Variants in PPARGC1A observed in about 807,000 individuals in gnomAD.
PPARGC1A encodes the protein PPARG coactivator 1 alpha.
Under a neutral mutation model 88.7 loss-of-function variants are expected in PPARGC1A, and 25 were observed. The ratio of observed to expected loss-of-function variants is 0.28; its 90% confidence interval spans 0.21 to 0.39. The LOEUF is 0.39. PPARGC1A is among the 10% of genes least tolerant of loss of function. PPARGC1A has a pLI of 1.00. For synonymous variants in PPARGC1A, 363 were observed against 355.6 expected, an observed-to-expected ratio of 1.02 and a Z score of -0.24; for missense variants, 880 against 968.7, an observed-to-expected ratio of 0.91 and a Z score of 1.22.
chr4:24,105,317 T>C, the PPARGC1A span, among the ~76,000 whole-genome samples: 1 of 152,264 alleles, frequency 6.6e-6, no homozygotes, highest in Admixed American at 6.5e-5. Flanking sequence ...GCAAACCTTC[T>C]AATGGGACTT....
At chr4:24,030,252 T>C in the PPARGC1A span, among the ~76,000 whole-genome samples, 1 of 152,174 alleles carries the variant, frequency 6.6e-6, no homozygotes, top group African/African-American at 2.4e-5. Context: ...TGACAGAAGA[T>C]GAAGTCACCC....
chr4:24,171,710 T>C, the PPARGC1A span, among the ~76,000 whole-genome samples: 3 of 152,342 alleles, frequency 2.0e-5, no homozygotes, highest in South Asian at 6.2e-4. Context: ...AGGAAGCACA[T>C]GTCCCATCCC....
At chr4:23,910,325 TTATATATTATATATATTATATATTA>T in the PPARGC1A span, among the ~76,000 whole-genome samples, 9 of 45,224 alleles carry the variant, frequency 2.0e-4, no homozygotes, top group South Asian at 7.2e-4. Flanking sequence ...ATTATATATA[TTATATATTATATATATTATATATTA>T]TATATATTAT....
chr4:23,827,894 A>G (rs888740818), intron 5 of PPARGC1A, among the ~76,000 whole-genome samples: 1 of 152,114 alleles, frequency 6.6e-6, no homozygotes, highest in Non-Finnish European at 1.5e-5. Flanking sequence ...AGGAGAAAGA[A>G]GGAGAGGGAG....
the PPARGC1A span, among the ~76,000 whole-genome samples, chr4:24,209,842 T>C: frequency 1.1e-4 from 17 of 152,224 alleles, no homozygotes; most frequent in Non-Finnish European, 1.9e-4. Flanking sequence ...TGGAGGTATA[T>C]GCTCAGAAAA....
the PPARGC1A span, among the ~76,000 whole-genome samples, chr4:24,186,035 T>C: frequency 6.6e-6 from 1 of 152,106 alleles, no homozygotes; most frequent in African/African-American, 2.4e-5. Context: ...TGGCTACCCA[T>C]GTACAGCAAG....
At chr4:24,280,849 A>C in the PPARGC1A span, among the ~76,000 whole-genome samples, 3 of 152,328 alleles carry the variant, frequency 2.0e-5, no homozygotes, top group African/African-American at 7.2e-5. Flanking sequence ...ACATTTCTCA[A>C]CAGCAACTTC....
At chr4:24,434,972 CTTAAG>C in the PPARGC1A span, among the ~76,000 whole-genome samples, 472 of 152,330 alleles carry the variant, frequency 3.1e-3, 2 homozygotes, top group South Asian at 5.2e-3. Flanking sequence ...TTGCTGAATA[CTTAAG>C]TTATTTCTGG....
the PPARGC1A span, among the ~76,000 whole-genome samples, chr4:23,925,708 A>T: frequency 6.6e-6 from 1 of 152,198 alleles, no homozygotes; most frequent in Non-Finnish European, 1.5e-5. Flanking sequence ...GGAAGGGGTA[A>T]GATGTGAGGA....
the PPARGC1A span, among the ~76,000 whole-genome samples, chr4:23,977,019 G>C: frequency 1.3e-5 from 2 of 151,572 alleles, no homozygotes; most frequent in Non-Finnish European, 2.9e-5. Context: ...AGAGAGAGGA[G>C]GAGGAAAAGG....
chr4:23,930,008 G>C, the PPARGC1A span, among the ~76,000 whole-genome samples: 1 of 152,052 alleles, frequency 6.6e-6, no homozygotes, highest in Non-Finnish European at 1.5e-5. Flanking sequence ...CTCTCCTATA[G>C]ATTTGCAGAC....
At chr4:23,834,910 T>C (rs544814069) in intron 2 of PPARGC1A, among the ~76,000 whole-genome samples, 1 of 152,276 alleles carries the variant, frequency 6.6e-6, no homozygotes, top group East Asian at 1.9e-4. Flanking sequence ...AGTCATGAGA[T>C]TTACACCATT....
At chr4:23,822,229 A>G (rs559737465) in intron 7 of PPARGC1A, among the ~76,000 whole-genome samples, 3 of 152,176 alleles carry the variant, frequency 2.0e-5, no homozygotes, top group South Asian at 2.1e-4. Context: ...ATTCATTGTC[A>G]TCTGAGCATC....
chr4:24,204,826 GTTTGGTTT>G, the PPARGC1A span, among the ~76,000 whole-genome samples: 3 of 152,146 alleles, frequency 2.0e-5, no homozygotes, highest in South Asian at 6.2e-4. Flanking sequence ...TTGTTTGGTT[GTTTGGTTT>G]TTTGTTTGAG....
At chr4:24,352,188 G>A in the PPARGC1A span, among the ~76,000 whole-genome samples, 34 of 152,134 alleles carry the variant, frequency 2.2e-4, no homozygotes, top group Non-Finnish European at 1.5e-5. Context: ...GAGGGGAATG[G>A]CAACTGACCC....
chr4:24,341,995 A>G, the PPARGC1A span, among the ~76,000 whole-genome samples: 1 of 152,202 alleles, frequency 6.6e-6, no homozygotes, highest in Admixed American at 6.5e-5. Context: ...ACCATTTTGA[A>G]GATAACTCCA....
chr4:23,853,539 C>G (rs538454360), intron 2 of PPARGC1A, among the ~76,000 whole-genome samples: 4 of 152,184 alleles, frequency 2.6e-5, no homozygotes, highest in African/African-American at 9.6e-5. Flanking sequence ...ATATTTGAAC[C>G]TGATAAGCAC....
rs1320796152 is a variant in PPARGC1A at position 23,794,567 on chromosome 4, AAT to A, written c.*1253_*1254del. 2.0e-5 allele frequency: 3 copies of A among 152,584 alleles called. No homozygotes were observed. Among genetic ancestry groups the A allele is most frequent in the African/African-American group, 7.2e-5 (3 of 41,450 alleles). The allele number at this position is 152,584 out of a possible 1,614,324, so 9.5% of individuals were successfully genotyped here. A position where few individuals can be genotyped will look rare whatever the true frequency, so the allele number is the denominator to read the frequency against. ...ATATAAGCAGTAAGTTCAGCTTCTAAATATGTTAGTGTACAATAATTGTTTCA... is the reference window on the plus strand; with the variant it reads ...ATATAAGCAGTAAGTTCAGCTTCTAAATGTTAGTGTACAATAATTGTTTCA... On this transcript the variant is annotated 3_prime_UTR_variant, in exon 13 of 13. Transcript: ENST00000264867.
chr4:24,326,413 A>G, the PPARGC1A span, among the ~76,000 whole-genome samples: 2 of 151,968 alleles, frequency 1.3e-5, no homozygotes, highest in African/African-American at 4.8e-5. Flanking sequence ...ATACTCTCCT[A>G]TCCTCAATAC....
Sources: gnomAD v4.1 joint callset for allele counts (sites outside exome capture counted in the v4.1 genomes callset) on GRCh38, gnomAD v4.1.1 for gene constraint, MANE v1.5 for transcripts, NCBI Gene and HGNC (gene_info 2026-07-23, HGNC 2026-07-21) for gene names.